Variants in LARGE1 observed in about 807,000 individuals in gnomAD.
The protein encoded by LARGE1 is xylosyl- and glucuronyltransferase LARGE1.
Under a neutral mutation model 87.6 loss-of-function variants are expected in LARGE1, and 43 were observed. The observed-to-expected ratio is 0.49, with a 90% confidence interval of 0.38 to 0.63. LARGE1 has a LOEUF of 0.63. LARGE1 is among the 30% of genes least tolerant of loss of function. The probability of loss-of-function intolerance (pLI) is 0.00; values close to 1 mark genes in which losing one functional copy is unlikely to be tolerated. For synonymous variants in LARGE1, 434 were observed against 394.6 expected (o/e 1.10, Z -1.18); for missense variants, 802 against 1,000.2 (o/e 0.80, Z 2.67).
At position 33,363,100 on chromosome 22, in the gene LARGE1, C is replaced by G. The variant is rs1356247363; in HGVS notation, c.1131+18819G>C. Among the ~76,000 whole-genome samples, 5 of 150,046 alleles carry G rather than the reference C, an allele frequency of 3.3e-5. 1 individual carries two copies. Among genetic ancestry groups the G allele is most frequent in the African/African-American group, 1.2e-4 (5 of 40,838 alleles). On this transcript the variant is annotated intron_variant, in intron 9 of 14. Transcript: ENST00000397394. Reference sequence around the variant, plus strand: ...GGGCTCCCGCTTTTCCCACAGGGGGCTGCTCAGGTTGACTCTCCTTTGGAG... The same window carrying G: ...GGGCTCCCGCTTTTCCCACAGGGGGGTGCTCAGGTTGACTCTCCTTTGGAG...
chr22:33,372,869 G>C (rs1177617271), intron 9 of LARGE1, among the ~76,000 whole-genome samples: 1 of 152,208 alleles, frequency 6.6e-6, no homozygotes, highest in Admixed American at 6.5e-5. Context: ...AATGGAAATA[G>C]AAACAAGACA....
chr22:33,718,719 T>C (rs1601406734), intron 2 of LARGE1, among the ~76,000 whole-genome samples: 1 of 152,258 alleles, frequency 6.6e-6, no homozygotes, highest in East Asian at 1.9e-4. Flanking sequence ...ACAGTGATAC[T>C]GATAATCCTG....
chr22:33,848,963 C>T (rs971034880), intron 1 of LARGE1, among the ~76,000 whole-genome samples: 3 of 152,244 alleles, frequency 2.0e-5, no homozygotes, highest in Non-Finnish European at 2.9e-5. Context: ...CTGCTTCACT[C>T]GCTCTGCTTC....
At chr22:33,495,324 G>A (rs538811007) in intron 6 of LARGE1, among the ~76,000 whole-genome samples, 2 of 152,034 alleles carry the variant, frequency 1.3e-5, no homozygotes, top group East Asian at 3.9e-4. Context: ...GCTTATTTAC[G>A]CTCTCCCAAG....
At position 33,459,064 on chromosome 22, in the gene LARGE1, GTA is replaced by G. The variant is rs1601933499; in HGVS notation, c.788-26801_788-26800del. Among the ~76,000 whole-genome samples, 3 of 151,854 alleles carry G rather than the reference GTA, an allele frequency of 2.0e-5. No individual in the cohort carries two copies. The East Asian group carries it at 5.8e-4, about 29-fold the overall frequency. Reference sequence around the variant, plus strand: ...AAAAGTGTGCAGAACATGCAGGTTTGTATATATGTGCCATGGTGGTTTGCTGC... The same window carrying G: ...AAAAGTGTGCAGAACATGCAGGTTTGTATATGTGCCATGGTGGTTTGCTGC... On this transcript the variant is annotated intron_variant, in intron 6 of 14. Coordinates refer to ENST00000397394, the MANE Select transcript of LARGE1 (RefSeq NM_133642.5).
intron 3 of LARGE1, among the ~76,000 whole-genome samples, chr22:33,644,858 T>C (rs2080557351): frequency 6.6e-6 from 1 of 152,136 alleles, no homozygotes; most frequent in African/African-American, 2.4e-5. Context: ...TTATAAGGGT[T>C]ATGAAGGACC....
chr22:33,514,725 C>T (rs1198521744), intron 6 of LARGE1, among the ~76,000 whole-genome samples: 7 of 152,140 alleles, frequency 4.6e-5, no homozygotes, highest in Non-Finnish European at 8.8e-5. Context: ...TATCATATAG[C>T]CTTCTTTTAG....
intron 11 of LARGE1, among the ~76,000 whole-genome samples, chr22:33,216,597 C>CAAAA (rs71673655): frequency 8.2e-6 from 1 of 122,616 alleles, no homozygotes; most frequent in African/African-American, 3.1e-5. Context: ...CACTCCATCT[C>CAAAA]AAAAAAAAAA....
At chr22:33,165,668 G>A (rs567993762) in exon 12 of LARGE1, 9 of 152,270 alleles carry the variant, frequency 5.9e-5, no homozygotes, top group African/African-American at 1.9e-4. Context: ...CAGCCCAGCT[G>A]GGAAAACATC....
At position 33,835,782 on chromosome 22, in the gene LARGE1, G is replaced by A. The variant is rs558807449; in HGVS notation, c.-82-74224C>T. On this transcript the variant is annotated intron_variant, in intron 1 of 14. Coordinates refer to ENST00000397394, the MANE Select transcript of LARGE1 (RefSeq NM_133642.5). ...GTTAAAGCAGTCCTGAAATAAAATCGAGCATGTGAGGTCTGGGTCTGGAAC... is the reference window on the plus strand; with the variant it reads ...GTTAAAGCAGTCCTGAAATAAAATCAAGCATGTGAGGTCTGGGTCTGGAAC... 5.9e-5 allele frequency among the ~76,000 whole-genome samples: 9 copies of A among 152,260 alleles called. No homozygotes were observed. In the East Asian group the frequency reaches 1.5e-3, roughly 26 times the overall value.
intron 5 of LARGE1, among the ~76,000 whole-genome samples, chr22:33,591,874 A>T (rs942170375): frequency 3.7e-4 from 50 of 136,880 alleles, no homozygotes; most frequent in African/African-American, 7.3e-4. Flanking sequence ...TTTTTTTTTT[A>T]AATTAGCCAG....
intron 6 of LARGE1, among the ~76,000 whole-genome samples, chr22:33,441,129 C>T (rs563943577): frequency 5.4e-4 from 68 of 126,738 alleles, no homozygotes; most frequent in Non-Finnish European, 8.4e-4. Flanking sequence ...GGCTGGAGTG[C>T]AATGGTACAA....
At chr22:33,156,184 T>C in the LARGE1 span, among the ~76,000 whole-genome samples, 130 of 152,282 alleles carry the variant, frequency 8.5e-4, no homozygotes, top group Non-Finnish European at 9.9e-4. Context: ...AGAGTCCCTA[T>C]TGGGGCACTG....
intron 1 of LARGE1, among the ~76,000 whole-genome samples, chr22:33,839,509 T>G (rs1021464470): frequency 1.1e-4 from 16 of 152,214 alleles, no homozygotes; most frequent in Admixed American, 5.9e-4. Context: ...AAGATCCCCA[T>G]TTACACATAT....
chr22:33,803,751 A>C (rs2086231726), intron 1 of LARGE1, among the ~76,000 whole-genome samples: 2 of 152,202 alleles, frequency 1.3e-5, no homozygotes, highest in Admixed American at 6.5e-5. Flanking sequence ...GTGTGAAAAC[A>C]TGTTTACGAG....
intron 6 of LARGE1, chr22:33,563,046 G>A (rs2077907775): frequency 6.6e-6 from 1 of 152,596 alleles, no homozygotes; most frequent in African/African-American, 2.4e-5. Flanking sequence ...TGATCCTGCA[G>A]GACCTCATGT....
intron 4 of LARGE1, among the ~76,000 whole-genome samples, chr22:33,619,184 A>G (rs1280729680): frequency 6.6e-6 from 1 of 152,168 alleles, no homozygotes; most frequent in Non-Finnish European, 1.5e-5. Context: ...GCTAAGGAAC[A>G]AAAAATCCTG....
intron 6 of LARGE1, among the ~76,000 whole-genome samples, chr22:33,532,672 G>T (rs1398480401): frequency 1.3e-5 from 2 of 152,168 alleles, no homozygotes; most frequent in African/African-American, 4.8e-5. Flanking sequence ...TAAAGTTTTA[G>T]GCTTCTTGGG....
In LARGE1 at chr22:33,880,557, C is replaced by T. The variant is rs186320562; in HGVS notation, c.-83+39438G>A. On this transcript the variant is annotated intron_variant, in intron 1 of 14. Coordinates refer to ENST00000397394, the MANE Select transcript of LARGE1 (RefSeq NM_133642.5). ...CCTGAAGGGTACACTCTTACCTGAT[C>T]CTGTGGCCTGACCCATCCTCCCAGG... Among the ~76,000 whole-genome samples, 6 of 152,262 alleles carry T rather than the reference C, an allele frequency of 3.9e-5. No homozygotes were observed. In the East Asian group the frequency reaches 1.2e-3, roughly 30 times the overall value.
Sources: gnomAD v4.1 joint callset for allele counts (sites outside exome capture counted in the v4.1 genomes callset) on GRCh38, gnomAD v4.1.1 for gene constraint, MANE v1.5 for transcripts, NCBI Gene and HGNC (gene_info 2026-07-23, HGNC 2026-07-21) for gene names.